The following SRPRB variants were observed in gnomAD, a reference collection of about 807,000 sequenced individuals.
SRPRB encodes the protein signal recognition particle receptor subunit beta.
Under a neutral mutation model 31.9 loss-of-function variants are expected in SRPRB, and 20 were observed. The observed-to-expected ratio is 0.63, with a 90% CI of 0.44 to 0.91. The LOEUF is 0.91. Ranked by LOEUF, SRPRB falls within the 40% of genes least tolerant of loss-of-function variation. The pLI, the probability that SRPRB is intolerant of heterozygous loss-of-function variation, is 0.00. For synonymous variants in SRPRB, 146 were observed against 132.8 expected, an observed-to-expected ratio of 1.10 and a Z score of -0.68; for missense variants, 321 against 324.9, an observed-to-expected ratio of 0.99 and a Z score of 0.09.
rs113009481 is a variant in SRPRB, at chr3:133,811,884, T to C, written c.410+685T>C. 6.5e-3 allele frequency among the ~76,000 whole-genome samples: 991 copies of C among 152,274 alleles called. 11 individuals carry two copies. Among genetic ancestry groups the C allele is most frequent in the African/African-American group, 0.022 (925 of 41,560 alleles). On this transcript the variant is annotated intron_variant, in intron 4 of 6. Transcript: ENST00000678299. ...GGCGTGAGCCACTGCACCTGGCCCA[T>C]ATATATTCTCAAATTACGTAAAATT...
In SRPRB at chr3:133,806,755, T is replaced by A. The variant is rs746715762; in HGVS notation, c.249+52T>A. ...TAAGCTTAATAGAAAATTTTATAGA[T>A]CCCAGTATTCCTGTCATCTCACGGT... On this transcript the variant is annotated intron_variant, in intron 2 of 6. Coordinates refer to ENST00000678299, the MANE Select transcript of SRPRB (RefSeq NM_001379313.1). The A allele has an allele frequency of 1.5e-5, 20 of 1,323,750 alleles. No homozygotes were observed. In the South Asian group the frequency reaches 2.0e-4, roughly 13 times the overall value. 82.0% of individuals were successfully genotyped at this position (1,323,750 alleles called of 1,614,324 possible).
chr3:133,823,887 C>T (rs1935513135), downstream of SRPRB, among the ~76,000 whole-genome samples: 1 of 152,160 alleles, frequency 6.6e-6, no homozygotes. Context: ...TACCCTCTCC[C>T]CCCTTCCTAA....
intron 3 of SRPRB, among the ~76,000 whole-genome samples, chr3:133,809,951 T>C (rs1012055573): frequency 3.3e-5 from 5 of 152,234 alleles, no homozygotes; most frequent in African/African-American, 1.2e-4. Flanking sequence ...ATTTCTATTC[T>C]ATCAATATTT....
At chr3:133,792,868 G>A (rs1047695638) in intron 1 of SRPRB, 2 of 152,042 alleles carry the variant, frequency 1.3e-5, no homozygotes. Context: ...GTATTTTCTG[G>A]TTTTTCCATA....
intron 1 of SRPRB, chr3:133,793,346 A>G (rs375568342): frequency 1.6e-4 from 24 of 152,258 alleles, no homozygotes; most frequent in African/African-American, 5.1e-4. Flanking sequence ...TCTTTAACAT[A>G]TTTAATAGGC....
chr3:133,792,847 A>C (rs1038660566), intron 1 of SRPRB: 2 of 152,162 alleles, frequency 1.3e-5, no homozygotes, highest in African/African-American at 4.8e-5. Flanking sequence ...ATATTGACTA[A>C]ATTTAAAGGG....
At chr3:133,812,408 TTTTC>T (rs1559891775) in intron 4 of SRPRB, among the ~76,000 whole-genome samples, 1 of 152,266 alleles carries the variant, frequency 6.6e-6, no homozygotes, top group Non-Finnish European at 1.5e-5. Context: ...ATTAAATGTT[TTTTC>T]TTTTTCTATT....
chr3:133,822,188 T>C (rs977203160), downstream of SRPRB, among the ~76,000 whole-genome samples: 1 of 151,972 alleles, frequency 6.6e-6, no homozygotes, highest in Non-Finnish European at 1.5e-5. Context: ...CACGACTGTA[T>C]GACATAGATG....
Position 133,813,066 on chromosome 3 carries a change from G to A in SRPRB, c.410+1867G>A, listed in dbSNP as rs114957420. ...TCTTTTAGCTGAGTGCAGAGTCCTG[G>A]GTGGCAGCCGCATCACTCCTGACCT... On this transcript the variant is annotated intron_variant, in intron 4 of 6. Coordinates refer to ENST00000678299, the MANE Select transcript of SRPRB (RefSeq NM_001379313.1). 2.8e-3 allele frequency among the ~76,000 whole-genome samples: 423 copies of A among 152,258 alleles called. 1 individual carries two copies. The highest frequency in any genetic ancestry group is 5.1e-3 in the Non-Finnish European group (349 of 68,024).
rs1033873448 is a variant in SRPRB, at chr3:133,820,883, A to G, written c.*1117A>G. On this transcript the variant is annotated 3_prime_UTR_variant, in exon 7 of 7. Transcript: ENST00000678299. ...GCAACATACACAAGAACACACTCCT[A>G]TTCCTACCCCACACACTCAGGGACA... 3.9e-5 allele frequency: 6 copies of G among 152,262 alleles called. No individual in the cohort carries two copies. Among genetic ancestry groups the G allele is most frequent in the African/African-American group, 1.2e-4 (5 of 41,422 alleles). 9.4% of individuals were successfully genotyped at this position (152,262 alleles called of 1,614,324 possible).
rs1935456466 is a variant in SRPRB at position 133,820,696 on chromosome 3, T to C, written c.*930T>C. The C allele has an allele frequency of 6.8e-6, 1 of 147,234 alleles. No individual in the cohort carries two copies. The highest frequency in any genetic ancestry group is 2.4e-5 in the African/African-American group (1 of 41,298). 9.1% of individuals were successfully genotyped at this position (147,234 alleles called of 1,614,324 possible). On this transcript the variant is annotated 3_prime_UTR_variant, in exon 7 of 7. Coordinates refer to ENST00000678299, the MANE Select transcript of SRPRB (RefSeq NM_001379313.1). ...GCCTTTTTGAAGTGATGTTTTTTGC[T>C]GTCTTCTTAAACACAAGGCTTTTTT...
chr3:133,819,441 T>C (rs182523362), intron 6 of SRPRB, 112 bp from the exon 7 acceptor site: 31 of 780,198 alleles, frequency 4.0e-5, no homozygotes, highest in African/African-American at 3.3e-4. Flanking sequence ...AATAGCATAA[T>C]TGGCAATTCT....
chr3:133,825,481 T>C (rs16841014), downstream of SRPRB: 3 of 152,154 alleles, frequency 2.0e-5, no homozygotes, highest in Non-Finnish European at 4.4e-5. Flanking sequence ...CAGCGATAGA[T>C]AGCAAGGAGG....
upstream of SRPRB, chr3:133,805,777 T>C (rs1935139385): frequency 6.6e-6 from 10 of 1,511,448 alleles, no homozygotes; most frequent in African/African-American, 1.4e-5. Flanking sequence ...CGCGTGAGGC[T>C]CTGCTCCCCG....
Position 133,806,021 on chromosome 3 carries a change from T to C in SRPRB, c.154+19T>C. 6.2e-7 allele frequency: 1 copy of C among 1,609,538 alleles called. No homozygotes were observed. The highest frequency in any genetic ancestry group is 8.5e-7 in the Non-Finnish European group (1 of 1,177,352). ...ACGCTAGGTAAAAGGCGGCCGGTGG[T>C]CATGGCGGGTTTGGGGCGGGCAGAG... On this transcript the variant is annotated intron_variant, in intron 1 of 6. Coordinates refer to ENST00000678299, the MANE Select transcript of SRPRB (RefSeq NM_001379313.1).
chr3:133,826,489 G>A (rs906685291), downstream of SRPRB: 2 of 152,582 alleles, frequency 1.3e-5, no homozygotes, highest in East Asian at 3.9e-4. Flanking sequence ...TAAATGGGGC[G>A]GTCTCAGAGG....
upstream of SRPRB, chr3:133,805,808 C>A (rs760134691): frequency 7.0e-6 from 11 of 1,576,288 alleles, no homozygotes; most frequent in Non-Finnish European, 7.7e-6. Flanking sequence ...GAGTGCAGGG[C>A]CACGTCGCTT....
In SRPRB at chr3:133,819,954, T is replaced by A. The variant is rs924077940; in HGVS notation, c.*188T>A. ...TTTTTTTTTTAAGTTCAGTTCTCCC[T>A]TATGGCTGCCTTTCAAACAAGTACC... On this transcript the variant is annotated 3_prime_UTR_variant, in exon 7 of 7. Coordinates refer to ENST00000678299, the MANE Select transcript of SRPRB (RefSeq NM_001379313.1). The A allele has an allele frequency of 1.6e-5, 9 of 577,788 alleles. No homozygotes were observed. In the African/African-American group the frequency reaches 1.7e-4, roughly 11 times the overall value. The allele number at this position is 577,788 out of a possible 1,614,324, so 35.8% of individuals were successfully genotyped here.
intron 1 of SRPRB, chr3:133,788,876 A>T (rs1934759034): frequency 6.6e-6 from 1 of 152,138 alleles, no homozygotes; most frequent in African/African-American, 2.4e-5. Context: ...AAAGAAGCCT[A>T]CTCAGCTTCC....
Sources: gnomAD v4.1 joint callset for allele counts (sites outside exome capture counted in the v4.1 genomes callset) on GRCh38, gnomAD v4.1.1 for gene constraint, MANE v1.5 for transcripts, NCBI Gene and HGNC (gene_info 2026-07-23, HGNC 2026-07-21) for gene names.